The following E2F3 variants were observed in gnomAD, a reference collection of about 807,000 sequenced individuals.
E2F3 encodes E2F transcription factor 3.
E2F3 carries 11 observed loss-of-function variants against 44.4 expected under a neutral mutation model. That is an observed-to-expected ratio of 0.25 (90% CI 0.16 to 0.41). E2F3 has a LOEUF of 0.41. Ranked by LOEUF, E2F3 falls within the 10% of genes least tolerant of loss-of-function variation. The pLI, the probability that E2F3 is intolerant of heterozygous loss-of-function variation, is 1.00. For missense variants in E2F3, 487 were observed against 583.6 expected, an observed-to-expected ratio of 0.83 and a Z score of 1.70; for synonymous variants, 249 against 253.0, an observed-to-expected ratio of 0.98 and a Z score of 0.15.
At chr6:20,452,023 G>A (rs911685635) in intron 1 of E2F3, among the ~76,000 whole-genome samples, 4 of 151,960 alleles carry the variant, frequency 2.6e-5, no homozygotes, top group Admixed American at 2.0e-4. Flanking sequence ...TTTTTTCATT[G>A]TGTCTCTGCC....
At chr6:20,482,583 TA>T (rs1330542868) in intron 3 of E2F3, among the ~76,000 whole-genome samples, 178 bp from the exon 4 acceptor site, 2 of 116,340 alleles carry the variant, frequency 1.7e-5, no homozygotes, top group African/African-American at 8.0e-5. Flanking sequence ...TGCAGAACTG[TA>T]TTTATGAAAA....
intron 1 of E2F3, chr6:20,403,728 C>T (rs982236685): frequency 1.7e-5 from 23 of 1,375,574 alleles, no homozygotes; most frequent in Non-Finnish European, 2.2e-5. Context: ...CGCCCGCCCT[C>T]GCCCTGCGCC....
At chr6:20,476,616 T>C (rs1408457874) in intron 1 of E2F3, among the ~76,000 whole-genome samples, 2 of 152,206 alleles carry the variant, frequency 1.3e-5, no homozygotes, top group Non-Finnish European at 2.9e-5. Flanking sequence ...TGCCAGATAG[T>C]TCCAGAAACA....
chr6:20,479,825 G>C, intron 1 of E2F3, 21 bp from the exon 2 acceptor site: 1 of 1,596,874 alleles, frequency 6.3e-7, no homozygotes, highest in Non-Finnish European at 8.5e-7. Context: ...GGTGACGAGA[G>C]ATCGCACTTT....
rs775949972 is a variant in E2F3, at chr6:20,402,280, C to T, written c.48C>T (p.Ala16=). 6.2e-7 allele frequency: 1 copy of T among 1,608,180 alleles called. No homozygotes were observed. Among genetic ancestry groups the T allele is most frequent in the African/African-American group, 1.3e-5 (1 of 74,462 alleles). ...CTCTGGAGCAGTACCTGGTGACCGCCGGGGGTGGGGAGGGGGCGGCTGTCG... is the reference window on the plus strand; with the variant it reads ...CTCTGGAGCAGTACCTGGTGACCGCTGGGGGTGGGGAGGGGGCGGCTGTCG... ...QPALEQYLVT[A]GGGEGAAVVA... The change falls in exon 1 of 7, where the codon GCC becomes GCT. Residue 16 remains alanine (A), a synonymous_variant. Transcript: ENST00000346618. The surrounding 1 kb of genome is among the most constrained non-coding windows in gnomAD (Gnocchi z 5.6).
In E2F3 at chr6:20,470,435, C is replaced by T. The variant is rs140736553; in HGVS notation, c.394-9411C>T. Among the ~76,000 whole-genome samples the T allele has an allele frequency of 2.5e-3, 374 of 152,280 alleles. 2 individuals carry two copies. The highest frequency in any genetic ancestry group is 8.5e-3 in the African/African-American group (354 of 41,562). On this transcript the variant is annotated intron_variant, in intron 1 of 6. Coordinates refer to ENST00000346618, the MANE Select transcript of E2F3 (RefSeq NM_001949.5). The stretch of plus-strand genomic sequence containing the variant: ...GCCAGATTGAGTTAATACATAGTTA[C>T]AGCTGAAAACTAACTTTTCTTAAAA...
At chr6:20,453,631 C>CT (rs1761215394) in intron 1 of E2F3, among the ~76,000 whole-genome samples, 1 of 152,100 alleles carries the variant, frequency 6.6e-6, no homozygotes, top group East Asian at 1.9e-4. Context: ...AGGCTGGTCT[C>CT]TAACTCCTGG....
chr6:20,483,080 T>G (rs867849391), intron 4 of E2F3, among the ~76,000 whole-genome samples, 160 bp downstream of exon 4: 2 of 152,238 alleles, frequency 1.3e-5, no homozygotes, highest in Middle Eastern at 6.8e-3. Context: ...CACGTGTGTG[T>G]GTAAACCCAG....
rs886522212 is a variant in E2F3 at position 20,445,174 on chromosome 6, G to C, written c.394-34672G>C. On this transcript the variant is annotated intron_variant, in intron 1 of 6. Transcript: ENST00000346618. ...CAGCAGCGCCTTGTACTTAAAAATA[G>C]AATACTACCAACATCATCTTCCTTC... 5.1e-6 allele frequency: 5 copies of C among 975,262 alleles called. No homozygotes were observed. The African/African-American group carries it at 8.8e-5, about 17-fold the overall frequency. 60.4% of individuals were successfully genotyped at this position (975,262 alleles called of 1,614,324 possible).
chr6:20,490,661 A>T lies in E2F3; in HGVS notation c.*231A>T, dbSNP rs1278160464. 2.7e-6 allele frequency: 1 copy of T among 364,820 alleles called. No individual in the cohort carries two copies. The highest frequency in any genetic ancestry group is 2.1e-5 in the African/African-American group (1 of 48,040). The allele number at this position is 364,820 out of a possible 1,614,324, so 22.6% of individuals were successfully genotyped here. On this transcript the variant is annotated 3_prime_UTR_variant, in exon 7 of 7. Coordinates refer to ENST00000346618, the MANE Select transcript of E2F3 (RefSeq NM_001949.5). The surrounding 1 kb of genome is among the most constrained non-coding windows in gnomAD (Gnocchi z 4.3). ...CCTTGGGAAAGCCCTGCTTTGCTCC[A>T]GGCTCCAAGATCTCCTGGCTAAGTC...
chr6:20,470,751 A>AT (rs1447858891), intron 1 of E2F3, among the ~76,000 whole-genome samples: 1 of 152,222 alleles, frequency 6.6e-6, no homozygotes, highest in African/African-American at 2.4e-5. Context: ...GTTTGTTAAC[A>AT]TACAGCAGGC....
At chr6:20,404,200 G>T (rs988344584) in intron 1 of E2F3, among the ~76,000 whole-genome samples, 1 of 150,738 alleles carries the variant, frequency 6.6e-6, no homozygotes, top group East Asian at 2.0e-4. Flanking sequence ...GGGTCAGAGG[G>T]TAGGGTGTCT....
At chr6:20,480,088 C>A in intron 2 of E2F3, 131 bp downstream of exon 2, 3 of 1,423,102 alleles carry the variant, frequency 2.1e-6, no homozygotes, top group Non-Finnish European at 2.8e-6. Context: ...TCTTTCTGTG[C>A]TTATCCAAAA....
In E2F3 at chr6:20,491,460, C is replaced by CG. The variant is rs1313475713; in HGVS notation, c.*1031dup. The CG allele has an allele frequency of 9.0e-6, 2 of 223,018 alleles. No homozygotes were observed. The highest frequency in any genetic ancestry group is 4.5e-5 in the African/African-American group (2 of 44,694). 13.8% of individuals were successfully genotyped at this position (223,018 alleles called of 1,614,324 possible). ...CATTCCCAGGAGGGGGAGCTTGGAG[C>CG]GAGTCAGTCCTGGGGCTTGCTGACA... is the stretch of plus-strand genomic sequence containing the variant. On this transcript the variant is annotated 3_prime_UTR_variant, in exon 7 of 7. Transcript: ENST00000346618.
intron 1 of E2F3, among the ~76,000 whole-genome samples, chr6:20,464,405 ATCTCTTATAAACCATT>A (rs1185124095): frequency 2.0e-5 from 3 of 152,212 alleles, no homozygotes; most frequent in Admixed American, 2.0e-4. Flanking sequence ...AGGTAGCATG[ATCTCTTATAAACCATT>A]TCCATTTTAT....
At chr6:20,455,333 C>T (rs16883824) in intron 1 of E2F3, among the ~76,000 whole-genome samples, 20,224 of 152,092 alleles carry the variant, frequency 0.13, 1,815 homozygotes, top group East Asian at 0.44. Flanking sequence ...CCAGTGGGTG[C>T]CTGTGCCAGG....
At chr6:20,444,128 G>A (rs989667795) in intron 1 of E2F3, among the ~76,000 whole-genome samples, 3 of 152,170 alleles carry the variant, frequency 2.0e-5, no homozygotes, top group African/African-American at 7.2e-5. Context: ...GGCAGAGGCT[G>A]CAGTTAGCTG....
chr6:20,406,523 T>C (rs968916673), intron 1 of E2F3, among the ~76,000 whole-genome samples: 1 of 152,248 alleles, frequency 6.6e-6, no homozygotes. Context: ...TTAAGTGATC[T>C]GTAATTAATT....
chr6:20,448,501 G>A (rs1761021667), intron 1 of E2F3, among the ~76,000 whole-genome samples: 2 of 152,106 alleles, frequency 1.3e-5, no homozygotes, highest in South Asian at 4.1e-4. Flanking sequence ...GAAAATAGAT[G>A]TTTGTAAAAT....
Sources: gnomAD v4.1 joint callset for allele counts (sites outside exome capture counted in the v4.1 genomes callset) on GRCh38, gnomAD v4.1.1 for gene constraint, Gnocchi (gnomAD v3.1) non-coding constraint, MANE v1.5 for transcripts, NCBI Gene and HGNC (gene_info 2026-07-23, HGNC 2026-07-21) for gene names.